The following EDEM3 variants were observed in gnomAD, a reference collection of about 807,000 sequenced individuals.
EDEM3 encodes ER degradation enhancing alpha-mannosidase like protein 3, also known as ER degradation-enhancing alpha-mannosidase-like protein 3.
EDEM3 carries 60 observed loss-of-function variants against 110.2 expected under a neutral mutation model. The observed-to-expected ratio is 0.54, with a 90% CI of 0.44 to 0.67. EDEM3 has a LOEUF of 0.67. Ranked by LOEUF, EDEM3 falls within the 30% of genes least tolerant of loss-of-function variation. The pLI, the probability that EDEM3 is intolerant of heterozygous loss-of-function variation, is 0.00. For synonymous variants in EDEM3, 352 were observed against 382.9 expected, an observed-to-expected ratio of 0.92 and a Z score of 0.94; for missense variants, 996 against 1,121.0, an observed-to-expected ratio of 0.89 and a Z score of 1.59.
At position 184,694,427 on chromosome 1, in the gene EDEM3, G is replaced by C; in HGVS notation, c.2435C>G (p.Ser812Cys). 6.2e-7 allele frequency: 1 copy of C among 1,608,680 alleles called. No individual in the cohort carries two copies. Among genetic ancestry groups the C allele is most frequent in the Non-Finnish European group, 8.5e-7 (1 of 1,177,290 alleles). ...NEEQPSSEND[S>C]QNQSGEQISS... ...AATCTGTTCACCACTCTGATTCTGA[G>C]AATCATTTTCAGAGGATGGTTGTTC... is the stretch of plus-strand genomic sequence containing the variant. The change falls in exon 20 of 20, where the codon TCT becomes TGT. Residue 812 changes from serine (S) to cysteine (C), a missense_variant. Physicochemically the swap from Ser to Cys is moderately radical, Grantham distance 112. Transcript: ENST00000318130.
intron 9 of EDEM3, 199 bp downstream of exon 9, chr1:184,721,090 A>C (rs1363389408): frequency 2.1e-6 from 1 of 468,514 alleles, no homozygotes; most frequent in Non-Finnish European, 3.8e-6. Context: ...GGTGAAAATA[A>C]AACTACTTTA....
rs138004268 is a variant in EDEM3, at chr1:184,721,042, C to G, written c.951+247G>C. On this transcript the variant is annotated intron_variant, in intron 9 of 19. Transcript: ENST00000318130. ...GATTAGGTAAAACTCAAATCTATTA[C>G]ATCTCTTATTGGCAGATCTGCAAAG... is the stretch of plus-strand genomic sequence containing the variant. The G allele has an allele frequency of 9.4e-5, 33 of 349,240 alleles. No individual in the cohort carries two copies. In the Admixed American group the frequency reaches 1.6e-3, roughly 17 times the overall value. The allele number at this position is 349,240 out of a possible 1,614,324, so 21.6% of individuals were successfully genotyped here. A position where few individuals can be genotyped will look rare whatever the true frequency, so the allele number is the denominator to read the frequency against.
intron 6 of EDEM3, among the ~76,000 whole-genome samples, chr1:184,731,605 C>G (rs559181865): frequency 4.6e-5 from 7 of 152,298 alleles, no homozygotes; most frequent in African/African-American, 1.7e-4. Flanking sequence ...CTCATGCCCT[C>G]CCTCTGTCCT....
chr1:184,729,960 T>C (rs989381847), intron 6 of EDEM3, among the ~76,000 whole-genome samples: 8 of 152,194 alleles, frequency 5.3e-5, no homozygotes, highest in African/African-American at 1.9e-4. Context: ...TGTTTATATA[T>C]TGTTTAAAAA....
intron 1 of EDEM3, among the ~76,000 whole-genome samples, chr1:184,753,425 G>A (rs146020723): frequency 9.6e-5 from 13 of 134,956 alleles, no homozygotes; most frequent in African/African-American, 3.5e-4. Flanking sequence ...TTTTTTTTTC[G>A]AGACAGAGTT....
rs386368973 is a variant in EDEM3 at position 184,692,805 on chromosome 1, G to GT, written c.*1257_*1258insA. ...AACAAACCAAAAAAAAAAAGGGGGG[G>GT]GGTGGAAGTCTCATTAAGCTATATA... is the stretch of plus-strand genomic sequence containing the variant. On this transcript the variant is annotated 3_prime_UTR_variant, in exon 20 of 20. Coordinates refer to ENST00000318130, the MANE Select transcript of EDEM3 (RefSeq NM_025191.4). 1 of 148,096 alleles carries GT rather than the reference G, an allele frequency of 6.8e-6. No individual in the cohort carries two copies. The highest frequency in any genetic ancestry group is 2.5e-5 in the African/African-American group (1 of 40,652). 9.2% of individuals were successfully genotyped at this position (148,096 alleles called of 1,614,324 possible).
chr1:184,744,247 CAAATAT>C (rs1652294227), intron 2 of EDEM3, among the ~76,000 whole-genome samples: 1 of 63,280 alleles, frequency 1.6e-5, no homozygotes, highest in Non-Finnish European at 3.0e-5. Context: ...GAACAAATGA[CAAATAT>C]ATATATATAT....
intron 2 of EDEM3, among the ~76,000 whole-genome samples, chr1:184,743,094 T>C (rs186416883): frequency 2.0e-5 from 3 of 152,168 alleles, no homozygotes; most frequent in East Asian, 1.9e-4. Context: ...TTAATAGCAA[T>C]TGCAACCCAG....
chr1:184,706,782 T>C lies in EDEM3; in HGVS notation c.2064A>G (p.Lys688=). The change falls in exon 18 of 20, where the codon AAA becomes AAG. Residue 688 remains lysine (K), a synonymous_variant. Coordinates refer to ENST00000318130, the MANE Select transcript of EDEM3 (RefSeq NM_025191.4). ...TAAGCTCTGAACAACCATTGGATGG[T>C]TTACTGCTTGCAACAAATCCTCTTG... The part of the protein sequence containing the change: ...KETRGFVASS[K]PSNGCSELTN... The C allele has an allele frequency of 6.2e-7, 1 of 1,613,656 alleles. No individual in the cohort carries two copies.
rs914731355 is a variant in EDEM3 at position 184,734,940 on chromosome 1, G to A, written c.346-297C>T. Among the ~76,000 whole-genome samples, 10 of 152,342 alleles carry A rather than the reference G, an allele frequency of 6.6e-5. No individual in the cohort carries two copies. In the South Asian group the frequency reaches 1.9e-3, roughly 28 times the overall value. On this transcript the variant is annotated intron_variant, in intron 4 of 19. Coordinates refer to ENST00000318130, the MANE Select transcript of EDEM3 (RefSeq NM_025191.4). ...TAATGACCCAGGCTACATGAGGTGA[G>A]TTCTAGTAGAATTTGGCTTCTAAGT...
intron 2 of EDEM3, among the ~76,000 whole-genome samples, chr1:184,742,911 T>C (rs538040528): frequency 6.6e-6 from 1 of 152,342 alleles, no homozygotes; most frequent in South Asian, 2.1e-4. Flanking sequence ...GTTAATTAGG[T>C]TGTAAACAGT....
chr1:184,708,502 T>C (rs1650056140), intron 16 of EDEM3, among the ~76,000 whole-genome samples, 158 bp from the exon 17 acceptor site: 1 of 152,240 alleles, frequency 6.6e-6, no homozygotes, highest in African/African-American at 2.4e-5. Flanking sequence ...TACTCAAAAA[T>C]AATACTTTCA....
intron 1 of EDEM3, among the ~76,000 whole-genome samples, chr1:184,754,076 T>G (rs576009953): frequency 1.1e-4 from 17 of 152,338 alleles, no homozygotes; most frequent in African/African-American, 3.8e-4. Context: ...TTTCCTTAAC[T>G]ACTGTGAGAT....
At chr1:184,749,454 A>G in intron 2 of EDEM3, 93 bp downstream of exon 2, 1 of 986,980 alleles carries the variant, frequency 1.0e-6, no homozygotes, top group Non-Finnish European at 1.5e-6. Flanking sequence ...TAAAAAATGT[A>G]ATTGTATTGT....
At chr1:184,725,963 A>G (rs900445113) in intron 7 of EDEM3, among the ~76,000 whole-genome samples, 4 of 152,174 alleles carry the variant, frequency 2.6e-5, no homozygotes, top group Admixed American at 1.3e-4. Flanking sequence ...GACATTTATG[A>G]TATCAAGGAG....
chr1:184,731,908 G>A (rs1489448916), intron 6 of EDEM3, among the ~76,000 whole-genome samples: 1 of 152,108 alleles, frequency 6.6e-6, no homozygotes, highest in Non-Finnish European at 1.5e-5. Flanking sequence ...TGGGTGTGGT[G>A]GCTCATGCCT....
intron 2 of EDEM3, among the ~76,000 whole-genome samples, chr1:184,738,453 A>G (rs952153299): frequency 6.6e-6 from 1 of 152,102 alleles, no homozygotes; most frequent in Non-Finnish European, 1.5e-5. Context: ...GTTGATTTCA[A>G]TTTTTTTCTA....
intron 2 of EDEM3, among the ~76,000 whole-genome samples, chr1:184,744,077 T>C (rs1010511060): frequency 1.3e-4 from 20 of 151,460 alleles, no homozygotes; most frequent in African/African-American, 4.3e-4. Context: ...AGAAAAATAA[T>C]AAACTGGATT....
At chr1:184,708,517 T>TTC (rs1650057280) in intron 16 of EDEM3, among the ~76,000 whole-genome samples, 173 bp from the exon 17 acceptor site, 1 of 152,220 alleles carries the variant, frequency 6.6e-6, no homozygotes, top group Non-Finnish European at 1.5e-5. Context: ...CTTTCAGAAA[T>TTC]AGTATTTCTG....
Sources: allele counts gnomAD v4.1 joint callset (sites outside exome capture counted in the v4.1 genomes callset), GRCh38; gene constraint gnomAD v4.1.1; transcripts MANE v1.5; gene names NCBI Gene and HGNC (gene_info 2026-07-23, HGNC 2026-07-21).